The following NAP1L4 variants were observed in gnomAD, a reference collection of about 807,000 sequenced individuals.
The protein encoded by NAP1L4 is nucleosome assembly protein 1 like 4, also known as nucleosome assembly protein 1-like 4.
In NAP1L4, 15 loss-of-function variants were observed where a neutral mutation model predicts 58.2. That is an observed-to-expected ratio of 0.26 (90% CI 0.17 to 0.40). The LOEUF (loss-of-function observed/expected upper bound fraction) is 0.40, where lower values mean the gene tolerates loss of function less well. Ranked by LOEUF, NAP1L4 falls within the 10% of genes least tolerant of loss-of-function variation. The pLI is 1.00. For missense variants in NAP1L4, 384 were observed against 451.1 expected, an observed-to-expected ratio of 0.85 and a Z score of 1.35; for synonymous variants, 171 against 155.6, an observed-to-expected ratio of 1.10 and a Z score of -0.74.
rs1274516450 is a variant in NAP1L4, at chr11:2,989,581, CTA to C, written c.-18+2671_-18+2672del. On this transcript the variant is annotated intron_variant, in intron 1 of 15. Coordinates refer to ENST00000380542, the MANE Select transcript of NAP1L4 (RefSeq NM_005969.4). Reference sequence around the variant, plus strand: ...CTAAAGGGAAGGAAGAAAAGCACTACTATATATACATACATATTTGAGGTCAC... The same window carrying C: ...CTAAAGGGAAGGAAGAAAAGCACTACTATATACATACATATTTGAGGTCAC... 1.4e-4 allele frequency among the ~76,000 whole-genome samples: 22 copies of C among 152,302 alleles called. No homozygotes were observed. In the East Asian group the frequency reaches 3.7e-3, roughly 25 times the overall value.
intron 7 of NAP1L4, among the ~76,000 whole-genome samples, chr11:2,966,607 C>T (rs1208839755): frequency 4.6e-5 from 7 of 152,116 alleles, no homozygotes; most frequent in Non-Finnish European, 8.8e-5. Flanking sequence ...AAAACAGCAA[C>T]AAAAAGATAC....
chr11:2,963,193 A>G (rs796230998), intron 8 of NAP1L4, among the ~76,000 whole-genome samples: 13 of 152,266 alleles, frequency 8.5e-5, no homozygotes, highest in African/African-American at 3.1e-4. Flanking sequence ...AAAGGGAAAA[A>G]AAGTTAATTG....
At position 2,977,380 on chromosome 11, in the gene NAP1L4, T is replaced by C. The variant is rs756506655; in HGVS notation, c.73+904A>G. On this transcript the variant is annotated intron_variant, in intron 3 of 15. Coordinates refer to ENST00000380542, the MANE Select transcript of NAP1L4 (RefSeq NM_005969.4). ...TCCGGAACCAACGACCACTGCATCA[T>C]GTTACCTGTGTGCCCTTCTTGCCAA... Among the ~76,000 whole-genome samples the C allele has an allele frequency of 6.6e-5, 10 of 152,338 alleles. 1 individual carries two copies. The highest frequency in any genetic ancestry group is 5.2e-4 in the Admixed American group (8 of 15,306).
chr11:2,971,591 G>A lies in NAP1L4; in HGVS notation c.316-57C>T. On this transcript the variant is annotated intron_variant, in intron 5 of 15. Transcript: ENST00000380542. This position sits in a 1 kb window ranked among gnomAD's most constrained non-coding sequence, Gnocchi z 4.2. The stretch of plus-strand genomic sequence containing the variant: ...GTTATTAGCTTACTTAGGAACTCAA[G>A]AGTTAAATTTATAAATAATGTCTAC... 1.4e-6 allele frequency: 2 copies of A among 1,383,582 alleles called. No individual in the cohort carries two copies. The highest frequency in any genetic ancestry group is 1.9e-5 in the Admixed American group (1 of 53,626). 85.7% of individuals were successfully genotyped at this position (1,383,582 alleles called of 1,614,324 possible). A position where few individuals can be genotyped will look rare whatever the true frequency, so the allele number is the denominator to read the frequency against.
intron 14 of NAP1L4, among the ~76,000 whole-genome samples, chr11:2,950,017 G>A (rs1846138946): frequency 6.6e-6 from 1 of 152,228 alleles, no homozygotes; most frequent in Admixed American, 6.5e-5. Context: ...CGTGGCCCTT[G>A]GGTCCATCAG....
At chr11:2,981,010 G>A (rs146163813) in intron 1 of NAP1L4, among the ~76,000 whole-genome samples, 5 of 152,004 alleles carry the variant, frequency 3.3e-5, no homozygotes, top group South Asian at 2.1e-4. Context: ...GGGCAGATTA[G>A]TTGAAGCTCA....
rs57072916 is a variant in NAP1L4, at chr11:2,961,589, G to A, written c.607-1680C>T. On this transcript the variant is annotated intron_variant, in intron 8 of 15. Coordinates refer to ENST00000380542, the MANE Select transcript of NAP1L4 (RefSeq NM_005969.4). The stretch of plus-strand genomic sequence containing the variant: ...TATGATTCCAGAACTGTTTAAGGCT[G>A]TGACCACAGTGTGGACAACCAACCC... Among the ~76,000 whole-genome samples the A allele has an allele frequency of 8.2e-4, 125 of 152,020 alleles. 1 individual carries two copies. Among genetic ancestry groups the A allele is most frequent in the African/African-American group, 2.8e-3 (117 of 41,508 alleles).
chr11:2,980,027 T>C lies in NAP1L4; in HGVS notation c.-17-790A>G, dbSNP rs574065295. On this transcript the variant is annotated intron_variant, in intron 1 of 15. Transcript: ENST00000380542. ...CCATTACTTCTACACTGAGGATGTA[T>C]TGCTTGTGTAAAAACCTTGTGTAAT... Among the ~76,000 whole-genome samples the C allele has an allele frequency of 9.3e-4, 141 of 152,304 alleles. 1 individual carries two copies. In the South Asian group the frequency reaches 0.022, roughly 24 times the overall value.
chr11:2,982,697 T>C (rs1848398431), intron 1 of NAP1L4, among the ~76,000 whole-genome samples: 2 of 152,228 alleles, frequency 1.3e-5, no homozygotes, highest in African/African-American at 4.8e-5. Context: ...ACCACTTCAC[T>C]TCTGGCTGTT....
At chr11:2,958,188 C>A in intron 10 of NAP1L4, 1 of 694,134 alleles carries the variant, frequency 1.4e-6, no homozygotes, top group South Asian at 1.5e-5. Flanking sequence ...CAGAAGATGA[C>A]AATCCTACTC....
In NAP1L4 at chr11:2,954,474, C is replaced by T; in HGVS notation, c.1035+53G>A. 1 of 1,611,932 alleles carries T rather than the reference C, an allele frequency of 6.2e-7. No homozygotes were observed. Among genetic ancestry groups the T allele is most frequent in the Non-Finnish European group, 8.5e-7 (1 of 1,178,210 alleles). ...TAAGCCACAATTCAGGGCCACTCTG[C>T]ACCAACAGAGATAAGCACCCAGGTG... On this transcript the variant is annotated intron_variant, in intron 12 of 15. Coordinates refer to ENST00000380542, the MANE Select transcript of NAP1L4 (RefSeq NM_005969.4). This position sits in a 1 kb window ranked among gnomAD's most constrained non-coding sequence, Gnocchi z 4.8.
Position 2,955,621 on chromosome 11 carries a change from A to T in NAP1L4, c.915+123T>A, listed in dbSNP as rs1332281479. 5.4e-6 allele frequency: 5 copies of T among 934,344 alleles called. No homozygotes were observed. The highest frequency in any genetic ancestry group is 8.3e-6 in the Non-Finnish European group (5 of 605,960). 57.9% of individuals were successfully genotyped at this position (934,344 alleles called of 1,614,324 possible). A position where few individuals can be genotyped will look rare whatever the true frequency, so the allele number is the denominator to read the frequency against. Reference sequence around the variant, plus strand: ...CCCACCTCAGCCTCCCAAAGCATTAAGATCACTGGCATACCCAGTCCACAC... The same window carrying T: ...CCCACCTCAGCCTCCCAAAGCATTATGATCACTGGCATACCCAGTCCACAC... On this transcript the variant is annotated intron_variant, in intron 11 of 15. Transcript: ENST00000380542. The surrounding 1 kb of genome is among the most constrained non-coding windows in gnomAD (Gnocchi z 4.2).
chr11:2,977,893 A>G (rs1848060769), intron 3 of NAP1L4, among the ~76,000 whole-genome samples: 1 of 148,932 alleles, frequency 6.7e-6, no homozygotes, highest in Non-Finnish European at 1.5e-5. Context: ...AATGGCCAGG[A>G]GCAGTGGTCT....
At chr11:2,985,136 T>C in intron 1 of NAP1L4, among the ~76,000 whole-genome samples, 1 of 152,232 alleles carries the variant, frequency 6.6e-6, no homozygotes, top group East Asian at 1.9e-4. Flanking sequence ...TCACGTGAAG[T>C]CAGGTGTGAA....
intron 12 of NAP1L4, among the ~76,000 whole-genome samples, chr11:2,953,287 A>G (rs1175312511): frequency 1.3e-5 from 2 of 152,286 alleles, no homozygotes; most frequent in Non-Finnish European, 2.9e-5. Flanking sequence ...GCACACATGC[A>G]TATTCAAGTC....
intron 8 of NAP1L4, among the ~76,000 whole-genome samples, chr11:2,960,556 T>C (rs954413468): frequency 2.6e-5 from 4 of 151,940 alleles, no homozygotes; most frequent in African/African-American, 9.7e-5. Flanking sequence ...TGCTCACGAG[T>C]AACAAAACAC....
rs945997334 is a variant in NAP1L4 at position 2,959,740 on chromosome 11, G to C, written c.746+30C>G. The C allele has an allele frequency of 7.5e-6, 12 of 1,606,198 alleles. No individual in the cohort carries two copies. In the East Asian group the frequency reaches 2.7e-4, roughly 36 times the overall value. ...AAAATTATCTTTTGATTTTGTTTCA[G>C]AAAAACAAGGTAGAATGACATTTTC... On this transcript the variant is annotated intron_variant, in intron 9 of 15. Coordinates refer to ENST00000380542, the MANE Select transcript of NAP1L4 (RefSeq NM_005969.4). This position sits in a 1 kb window ranked among gnomAD's most constrained non-coding sequence, Gnocchi z 4.9.
At chr11:2,950,197 G>C (rs978032234) in intron 14 of NAP1L4, among the ~76,000 whole-genome samples, 1 of 152,248 alleles carries the variant, frequency 6.6e-6, no homozygotes, top group Non-Finnish European at 1.5e-5. Flanking sequence ...GCACAGGTAC[G>C]CTTTCAGCAG....
chr11:2,960,128 G>A, intron 8 of NAP1L4: 1 of 490,564 alleles, frequency 2.0e-6, no homozygotes, highest in Non-Finnish European at 3.6e-6. Context: ...TGAGTAAGGG[G>A]CATGTTCCCC....
Sources: gnomAD v4.1 joint callset for allele counts (sites outside exome capture counted in the v4.1 genomes callset) on GRCh38, gnomAD v4.1.1 for gene constraint, Gnocchi (gnomAD v3.1) non-coding constraint, MANE v1.5 for transcripts, NCBI Gene and HGNC (gene_info 2026-07-23, HGNC 2026-07-21) for gene names.